The following SLC7A14 variants were observed in gnomAD, a reference collection of about 807,000 sequenced individuals.
SLC7A14 encodes gamma-aminobutyric acid transporter SLC7A14.
A neutral mutation model predicts 60.2 loss-of-function variants in SLC7A14; 37 were observed. The ratio of observed to expected loss-of-function variants is 0.61; its 90% CI spans 0.47 to 0.81. The LOEUF is 0.81. SLC7A14 is among the 30% of genes least tolerant of loss of function. The pLI is 0.00. For synonymous variants in SLC7A14, 399 were observed against 395.8 expected, an observed-to-expected ratio of 1.01 and a Z score of -0.10; for missense variants, 886 against 982.7, an observed-to-expected ratio of 0.90 and a Z score of 1.32.
chr3:170,562,782 A>G (rs2108310941), intron 1 of SLC7A14, among the ~76,000 whole-genome samples: 1 of 152,156 alleles, frequency 6.6e-6, no homozygotes, highest in African/African-American at 2.4e-5. Flanking sequence ...TTTGAGACAG[A>G]GCCTTGCTCT....
At chr3:170,549,174 A>G (rs1370859979) in intron 1 of SLC7A14, among the ~76,000 whole-genome samples, 8 of 151,908 alleles carry the variant, frequency 5.3e-5, no homozygotes, top group African/African-American at 1.9e-4. Flanking sequence ...CTAGTTCAAT[A>G]TAATACAGGC....
intron 4 of SLC7A14, among the ~76,000 whole-genome samples, chr3:170,492,590 T>C (rs1019346664): frequency 6.6e-6 from 1 of 152,212 alleles, no homozygotes; most frequent in Non-Finnish European, 1.5e-5. Flanking sequence ...AGCCAGCTGA[T>C]CCAGAACAGA....
chr3:170,551,035 T>C (rs1478979133), intron 1 of SLC7A14, among the ~76,000 whole-genome samples: 1 of 152,194 alleles, frequency 6.6e-6, no homozygotes, highest in Non-Finnish European at 1.5e-5. Context: ...CCCATACCCA[T>C]GAGCAGTTAC....
At chr3:170,537,663 T>C (rs145633666) in intron 1 of SLC7A14, among the ~76,000 whole-genome samples, 2 of 152,312 alleles carry the variant, frequency 1.3e-5, no homozygotes, top group South Asian at 2.1e-4. Context: ...CAGAACTACA[T>C]GTACCTATTG....
rs536828225 is a variant in SLC7A14, at chr3:170,460,715, A to G, written c.*6340T>C. 1 of 151,888 alleles carries G rather than the reference A, an allele frequency of 6.6e-6. No homozygotes were observed. Among genetic ancestry groups the G allele is most frequent in the East Asian group, 1.9e-4 (1 of 5,190 alleles). 9.4% of individuals were successfully genotyped at this position (151,888 alleles called of 1,614,324 possible). A position where few individuals can be genotyped will look rare whatever the true frequency, so the allele number is the denominator to read the frequency against. ...AAAAAAAAGCACAGAGTGAGTTCCT[A>G]CCATAAAAATCCAGGCTGCCCCTGT... On this transcript the variant is annotated 3_prime_UTR_variant, in exon 8 of 8. Transcript: ENST00000231706.
Position 170,538,624 on chromosome 3 carries a change from T to C in SLC7A14, c.-152-11536A>G, listed in dbSNP as rs572609270. 2.0e-5 allele frequency among the ~76,000 whole-genome samples: 3 copies of C among 152,352 alleles called. No individual in the cohort carries two copies. In the South Asian group the frequency reaches 6.2e-4, roughly 32 times the overall value. ...CTCACTCTACTCTTGGCTTTACTGC[T>C]CTCAGTACACACCATCTGCAGTGAA... is the stretch of plus-strand genomic sequence containing the variant. On this transcript the variant is annotated intron_variant, in intron 1 of 7. Transcript: ENST00000231706.
chr3:170,529,255 C>CAT (rs1326742847), intron 1 of SLC7A14, among the ~76,000 whole-genome samples: 8 of 152,188 alleles, frequency 5.3e-5, no homozygotes, highest in East Asian at 3.9e-4. Flanking sequence ...TTTGAATGGA[C>CAT]ATATATATAT....
chr3:170,582,066 A>G (rs1715250247), intron 1 of SLC7A14, among the ~76,000 whole-genome samples: 1 of 152,248 alleles, frequency 6.6e-6, no homozygotes, highest in Admixed American at 6.5e-5. Flanking sequence ...ATAGTAACAT[A>G]GAATTCATAT....
chr3:170,582,434 A>T (rs544211305), intron 1 of SLC7A14, among the ~76,000 whole-genome samples: 5 of 152,292 alleles, frequency 3.3e-5, no homozygotes, highest in Non-Finnish European at 5.9e-5. Context: ...TTTTAATTTT[A>T]AAAAGTTTAA....
intron 2 of SLC7A14, among the ~76,000 whole-genome samples, chr3:170,514,756 G>T (rs1271192142): frequency 1.3e-5 from 2 of 152,152 alleles, no homozygotes; most frequent in Non-Finnish European, 2.9e-5. Flanking sequence ...TTGGAACCAG[G>T]ACTACTCATT....
At chr3:170,497,567 C>T (rs1712448091) in intron 4 of SLC7A14, among the ~76,000 whole-genome samples, 1 of 152,242 alleles carries the variant, frequency 6.6e-6, no homozygotes, top group Admixed American at 6.5e-5. Context: ...TTTCTGTCAT[C>T]AGTTCTAGGC....
chr3:170,511,659 A>G (rs141780911), intron 2 of SLC7A14, among the ~76,000 whole-genome samples: 1 of 152,300 alleles, frequency 6.6e-6, no homozygotes, highest in East Asian at 1.9e-4. Flanking sequence ...CCTGTGGAGT[A>G]TTTATACAGG....
intron 4 of SLC7A14, among the ~76,000 whole-genome samples, chr3:170,491,134 C>T (rs1012071500): frequency 6.6e-6 from 1 of 152,138 alleles, no homozygotes; most frequent in South Asian, 2.1e-4. Flanking sequence ...GAGATTGAGT[C>T]TAGAGGATAC....
rs369436642 is a variant in SLC7A14 at position 170,550,512 on chromosome 3, A to ATT, written c.-152-23426_-152-23425dup. ...TAAACCTAATGCCATCTTTCCTTGA[A>ATT]TTTTTTTTTTTTTTTTTTTTTTTTT... On this transcript the variant is annotated intron_variant, in intron 1 of 7. Coordinates refer to ENST00000231706, the MANE Select transcript of SLC7A14 (RefSeq NM_020949.3). Among the ~76,000 whole-genome samples the ATT allele has an allele frequency of 1.2e-3, 73 of 60,600 alleles. 1 individual carries two copies. The highest frequency in any genetic ancestry group is 3.5e-3 in the East Asian group (5 of 1,444). 39.8% of individuals were successfully genotyped at this position (60,600 alleles called of 152,430 possible).
At chr3:170,473,150 G>C (rs1242494898) in intron 7 of SLC7A14, among the ~76,000 whole-genome samples, 2 of 152,032 alleles carry the variant, frequency 1.3e-5, no homozygotes, top group Admixed American at 6.6e-5. Flanking sequence ...CATATACTAG[G>C]GTACCTTGGC....
intron 7 of SLC7A14, among the ~76,000 whole-genome samples, chr3:170,469,182 T>G (rs939359781): frequency 3.3e-5 from 5 of 152,162 alleles, no homozygotes; most frequent in Admixed American, 1.3e-4. Context: ...CCCTGCAGGC[T>G]TCTGCTGGGC....
At chr3:170,485,848 T>C (rs1342547713) in intron 5 of SLC7A14, among the ~76,000 whole-genome samples, 4 of 152,262 alleles carry the variant, frequency 2.6e-5, no homozygotes, top group Admixed American at 1.3e-4. Context: ...CAGAAGAGCA[T>C]TGAGGAAAGT....
chr3:170,530,367 G>A lies in SLC7A14; in HGVS notation c.-152-3279C>T, dbSNP rs911283285. 6.6e-5 allele frequency among the ~76,000 whole-genome samples: 10 copies of A among 152,278 alleles called. No homozygotes were observed. The East Asian group carries it at 1.4e-3, about 21-fold the overall frequency. On this transcript the variant is annotated intron_variant, in intron 1 of 7. Transcript: ENST00000231706. ...GGGTAAGGAGGAGGATTTGAGTGTC[G>A]TGTTGACTAATTAAATCCTCACAAC...
chr3:170,545,753 A>C (rs758926361), intron 1 of SLC7A14, among the ~76,000 whole-genome samples: 1 of 152,262 alleles, frequency 6.6e-6, no homozygotes, highest in Non-Finnish European at 1.5e-5. Flanking sequence ...AAAACTTTTC[A>C]ATTAGGTTCA....
Sources: allele counts gnomAD v4.1 joint callset (sites outside exome capture counted in the v4.1 genomes callset), GRCh38; gene constraint gnomAD v4.1.1; transcripts MANE v1.5; gene names NCBI Gene and HGNC (gene_info 2026-07-23, HGNC 2026-07-21).